LRMDA: variants seen among roughly 807,000 people sequenced by gnomAD.
LRMDA encodes the protein leucine rich melanocyte differentiation associated.
In LRMDA, 18 loss-of-function variants were observed where a neutral mutation model predicts 29.8. The observed-to-expected ratio is 0.60, with a 90% CI of 0.42 to 0.90. The LOEUF (loss-of-function observed/expected upper bound fraction) is 0.90, where lower values mean the gene tolerates loss of function less well. Ranked by LOEUF, LRMDA falls within the 40% of genes least tolerant of loss-of-function variation. The pLI, the probability that LRMDA is intolerant of heterozygous loss-of-function variation, is 0.00. For synonymous variants in LRMDA, 125 were observed against 109.4 expected, an observed-to-expected ratio of 1.14 and a Z score of -0.89; for missense variants, 273 against 273.9, an observed-to-expected ratio of 1.00 and a Z score of 0.02.
intron 6 of LRMDA, among the ~76,000 whole-genome samples, chr10:76,405,504 A>G (rs1462183482): frequency 6.6e-6 from 1 of 152,186 alleles, no homozygotes; most frequent in Admixed American, 6.5e-5. Context: ...AACAGGGTAA[A>G]GGACCAGACT....
chr10:75,894,733 C>T (rs1435809778), intron 2 of LRMDA, among the ~76,000 whole-genome samples: 1 of 152,022 alleles, frequency 6.6e-6, no homozygotes. Flanking sequence ...GGTACCATGC[C>T]CCTTTGCTGA....
At chr10:75,678,448 C>T (rs1017195923) in intron 2 of LRMDA, among the ~76,000 whole-genome samples, 5 of 152,176 alleles carry the variant, frequency 3.3e-5, no homozygotes, top group Non-Finnish European at 7.4e-5. Flanking sequence ...TCACTTTCTA[C>T]TGAGATATTG....
chr10:76,352,493 A>G (rs1315026622), intron 6 of LRMDA, among the ~76,000 whole-genome samples: 1 of 152,128 alleles, frequency 6.6e-6, no homozygotes, highest in Non-Finnish European at 1.5e-5. Flanking sequence ...GAATGGACAC[A>G]CTGGACATAG....
At chr10:76,302,091 C>G (rs2579788) in intron 5 of LRMDA, among the ~76,000 whole-genome samples, 148,057 of 152,310 alleles carry the variant, frequency 0.97, 72,267 homozygotes, top group Middle Eastern at 1. Flanking sequence ...AGAACTGGTG[C>G]GTTATTTTGA....
At chr10:76,492,671 G>T (rs150309957) in intron 6 of LRMDA, among the ~76,000 whole-genome samples, 8 of 152,050 alleles carry the variant, frequency 5.3e-5, no homozygotes, top group Non-Finnish European at 1.2e-4. Flanking sequence ...AAGGAAAGAG[G>T]TTTAATTGAC....
At chr10:75,958,181 C>T (rs1338384631) in intron 2 of LRMDA, among the ~76,000 whole-genome samples, 2 of 152,132 alleles carry the variant, frequency 1.3e-5, no homozygotes, top group Admixed American at 1.3e-4. Context: ...GAGGGGTGGC[C>T]AGCAGCCCCA....
intron 3 of LRMDA, among the ~76,000 whole-genome samples, chr10:76,046,306 T>C (rs2132040222): frequency 6.6e-6 from 1 of 152,298 alleles, no homozygotes; most frequent in Non-Finnish European, 1.5e-5. Context: ...AATCTATGGC[T>C]CTTGCTTTAT....
At position 76,074,485 on chromosome 10, in the gene LRMDA, T is replaced by G. The variant is rs576859898; in HGVS notation, c.516+15702T>G. 2.6e-5 allele frequency among the ~76,000 whole-genome samples: 4 copies of G among 152,228 alleles called. No individual in the cohort carries two copies. In the East Asian group the frequency reaches 7.7e-4, roughly 29 times the overall value. ...TATTTGAGCTGACAAAAAAATGCAT[T>G]TATTGGGAAGACAAATGGCCTGTTT... On this transcript the variant is annotated intron_variant, in intron 5 of 6. Transcript: ENST00000611255.
At chr10:76,386,456 C>A (rs1841660761) in intron 6 of LRMDA, among the ~76,000 whole-genome samples, 1 of 152,094 alleles carries the variant, frequency 6.6e-6, no homozygotes, top group African/African-American at 2.4e-5. Flanking sequence ...ATAATAGGGA[C>A]CATAAGTTGA....
intron 6 of LRMDA, among the ~76,000 whole-genome samples, chr10:76,339,897 T>C (rs1841016237): frequency 6.6e-6 from 1 of 152,132 alleles, no homozygotes; most frequent in Non-Finnish European, 1.5e-5. Flanking sequence ...TCTCATCTTT[T>C]ATAATTTATT....
At position 76,101,572 on chromosome 10, in the gene LRMDA, A is replaced by G. The variant is rs377139654; in HGVS notation, c.516+42789A>G. Among the ~76,000 whole-genome samples the G allele has an allele frequency of 1.1e-4, 17 of 152,306 alleles. No individual in the cohort carries two copies. The East Asian group carries it at 2.1e-3, about 19-fold the overall frequency. On this transcript the variant is annotated intron_variant, in intron 5 of 6. Transcript: ENST00000611255. ...ACCAACATGGGGAAGCTCTGTCTCT[A>G]TTAAAAACACAGAATTAGCCAGGCG...
chr10:76,479,832 C>G (rs987011258), intron 6 of LRMDA, among the ~76,000 whole-genome samples: 1 of 151,902 alleles, frequency 6.6e-6, no homozygotes, highest in East Asian at 2.0e-4. Context: ...GCCTTATATG[C>G]TTTGACCTTG....
At chr10:76,326,751 G>A (rs1840838091) in intron 6 of LRMDA, among the ~76,000 whole-genome samples, 1 of 152,054 alleles carries the variant, frequency 6.6e-6, no homozygotes, top group South Asian at 2.1e-4. Flanking sequence ...ACTATGATAG[G>A]TCCAAGATTC....
At chr10:76,321,684 C>A (rs1356420929) in intron 5 of LRMDA, among the ~76,000 whole-genome samples, 2 of 152,184 alleles carry the variant, frequency 1.3e-5, no homozygotes, top group Non-Finnish European at 2.9e-5. Flanking sequence ...GTGGCTCATG[C>A]CTGTAATCCC....
chr10:75,565,820 A>G (rs978670124), intron 2 of LRMDA, among the ~76,000 whole-genome samples: 1 of 152,244 alleles, frequency 6.6e-6, no homozygotes, highest in African/African-American at 2.4e-5. Flanking sequence ...CATGCCTGTA[A>G]TGCCAGCACT....
chr10:76,041,212 T>C (rs1848333277), intron 3 of LRMDA, among the ~76,000 whole-genome samples: 2 of 152,282 alleles, frequency 1.3e-5, no homozygotes, highest in African/African-American at 2.4e-5. Flanking sequence ...GTAGCCCAAA[T>C]TGGAAGGAAG....
rs866471735 is a variant in LRMDA, at chr10:75,692,231, T to A, written c.131+253737T>A. On this transcript the variant is annotated intron_variant, in intron 2 of 6. Transcript: ENST00000611255. Reference sequence around the variant, plus strand: ...GGGAAAAAAAAAAAATATATATATATATATATATATATATATACATATATA... The same window carrying A: ...GGGAAAAAAAAAAAATATATATATAAATATATATATATATATACATATATA... 3.7e-4 allele frequency among the ~76,000 whole-genome samples: 50 copies of A among 136,670 alleles called. 1 individual carries two copies. The highest frequency in any genetic ancestry group is 1.4e-3 in the African/African-American group (48 of 34,892). The allele number at this position is 136,670 out of a possible 152,430, so 89.7% of individuals were successfully genotyped here. A position where few individuals can be genotyped will look rare whatever the true frequency, so the allele number is the denominator to read the frequency against.
At chr10:76,086,826 G>A (rs898637195) in intron 5 of LRMDA, among the ~76,000 whole-genome samples, 9 of 152,202 alleles carry the variant, frequency 5.9e-5, no homozygotes, top group Admixed American at 5.9e-4. Context: ...TAGAACTGCA[G>A]ACCGCTGTGT....
At chr10:75,550,025 A>G (rs1220612327) in intron 2 of LRMDA, among the ~76,000 whole-genome samples, 2 of 152,210 alleles carry the variant, frequency 1.3e-5, no homozygotes, top group Non-Finnish European at 2.9e-5. Context: ...ATGTACCACA[A>G]TTCTTGACAC....
Sources: allele counts gnomAD v4.1 joint callset (sites outside exome capture counted in the v4.1 genomes callset), GRCh38; gene constraint gnomAD v4.1.1; transcripts MANE v1.5; gene names NCBI Gene and HGNC (gene_info 2026-07-23, HGNC 2026-07-21).